DENND4A: variants seen among roughly 807,000 people sequenced by gnomAD.
DENND4A encodes the protein C-myc promoter-binding protein.
Under a neutral mutation model 199.3 loss-of-function variants are expected in DENND4A, and 70 were observed. The observed-to-expected ratio is 0.35, with a 90% CI of 0.29 to 0.43. The LOEUF (loss-of-function observed/expected upper bound fraction) is 0.43. Ranked by LOEUF, DENND4A falls within the 20% of genes least tolerant of loss-of-function variation. The pLI is 1.00. For synonymous variants in DENND4A, 686 were observed against 766.9 expected, an observed-to-expected ratio of 0.89 and a Z score of 1.74; for missense variants, 1,723 against 2,255.8, an observed-to-expected ratio of 0.76 and a Z score of 4.78.
chr15:65,681,885 G>A (rs2076589687), intron 23 of DENND4A, among the ~76,000 whole-genome samples: 1 of 152,138 alleles, frequency 6.6e-6, no homozygotes, highest in Admixed American at 6.5e-5. Flanking sequence ...TTCTATTGGA[G>A]CTCTTGCATG....
chr15:65,772,580 G>A (rs912005864), intron 1 of DENND4A, among the ~76,000 whole-genome samples: 4 of 151,550 alleles, frequency 2.6e-5, no homozygotes, highest in Non-Finnish European at 4.4e-5. Context: ...GGTGGCACCC[G>A]CCTGTAATCC....
chr15:65,774,491 A>T (rs1458841418), intron 1 of DENND4A, among the ~76,000 whole-genome samples: 1 of 151,988 alleles, frequency 6.6e-6, no homozygotes, highest in Non-Finnish European at 1.5e-5. Flanking sequence ...ACTCCATCTC[A>T]AAAAAATTAA....
chr15:65,748,935 A>G (rs143632372), intron 4 of DENND4A, among the ~76,000 whole-genome samples: 1 of 151,568 alleles, frequency 6.6e-6, no homozygotes, highest in African/African-American at 2.4e-5. Context: ...CGAGGCTACA[A>G]TGAGCCATGA....
intron 1 of DENND4A, among the ~76,000 whole-genome samples, chr15:65,788,290 T>C (rs1002948529): frequency 1.8e-4 from 28 of 152,234 alleles, no homozygotes; most frequent in African/African-American, 6.0e-4. Context: ...TTAGCCAGGA[T>C]GGTCTCGATC....
At chr15:65,777,456 G>A (rs1025885510) in intron 1 of DENND4A, among the ~76,000 whole-genome samples, 4 of 151,736 alleles carry the variant, frequency 2.6e-5, no homozygotes, top group East Asian at 2.0e-4. Flanking sequence ...AGGTTCAAGC[G>A]ATTCTCCAGC....
chr15:65,786,162 A>G (rs1009124533), intron 1 of DENND4A, among the ~76,000 whole-genome samples: 3 of 152,244 alleles, frequency 2.0e-5, no homozygotes, highest in Non-Finnish European at 4.4e-5. Flanking sequence ...TTTATAATAG[A>G]TAAAAAATGA....
rs150839224 is a variant in DENND4A, at chr15:65,743,736, G to A, written c.562-1952C>T. Among the ~76,000 whole-genome samples, 233 of 152,198 alleles carry A rather than the reference G, an allele frequency of 1.5e-3. 1 individual carries two copies. Among genetic ancestry groups the A allele is most frequent in the African/African-American group, 5.2e-3 (215 of 41,516 alleles). ...GTATTTGCTGAATGAATTAATCTTG[G>A]AGCAGAGGTTTCTAGGTAGAAGGAA... On this transcript the variant is annotated intron_variant, in intron 4 of 32. Transcript: ENST00000443035.
chr15:65,726,686 G>A (rs896177994), intron 11 of DENND4A, among the ~76,000 whole-genome samples: 1 of 152,080 alleles, frequency 6.6e-6, no homozygotes, highest in Non-Finnish European at 1.5e-5. Context: ...TAATTAAATC[G>A]AAAAGCTTTA....
chr15:65,753,159 T>C (rs28507448), intron 3 of DENND4A, among the ~76,000 whole-genome samples: 30,093 of 152,024 alleles, frequency 0.2, 4,013 homozygotes, highest in East Asian at 0.73. Context: ...TTTCTCTTTA[T>C]TGGGGTAAAA....
At position 65,702,395 on chromosome 15, in the gene DENND4A, C is replaced by T. The variant is rs17810074; in HGVS notation, c.2340G>A (p.Val780=). 0.3 allele frequency: 463,146 copies of T among 1,564,632 alleles called. 71,645 individuals carry two copies. Among genetic ancestry groups the T allele is most frequent in the Admixed American group, 0.38 (19,762 of 52,288 alleles). ...GLWFICLPAY[V]KVCHSKVRAL... ...CCCTGACTTTTGAATGACAGACTTT[C>T]ACATAAGCTGGGAGACAAATAAACC... The change falls in exon 17 of 33, where the codon GTG becomes GTA. Residue 780 remains valine (V), a synonymous_variant. Transcript: ENST00000443035.
intron 11 of DENND4A, among the ~76,000 whole-genome samples, chr15:65,725,114 T>G (rs149777333): frequency 3.2e-4 from 48 of 152,328 alleles, no homozygotes; most frequent in Non-Finnish European, 6.2e-4. Context: ...TTTGAAGTAC[T>G]TGAGTTTGGT....
intron 23 of DENND4A, among the ~76,000 whole-genome samples, 193 bp downstream of exon 23, chr15:65,690,222 T>C (rs1009758191): frequency 1.3e-5 from 2 of 152,232 alleles, no homozygotes; most frequent in Admixed American, 6.5e-5. Context: ...ACTACAAATA[T>C]AACCTTAGTA....
intron 1 of DENND4A, among the ~76,000 whole-genome samples, chr15:65,788,538 G>A (rs1012013720): frequency 2.6e-5 from 4 of 152,000 alleles, no homozygotes; most frequent in Admixed American, 1.3e-4. Flanking sequence ...TTTCTCCTAT[G>A]ACCCTTGAAA....
In DENND4A at chr15:65,741,662, C is replaced by T. The variant is rs116469432; in HGVS notation, c.631+53G>A. On this transcript the variant is annotated intron_variant, in intron 5 of 32. Transcript: ENST00000443035. ...GCAGGTTTCTTTACTTTAACCTTTC[C>T]GGGCCCTATAATACATTTATATATG... The T allele has an allele frequency of 5.1e-4, 770 of 1,496,314 alleles. 4 individuals are homozygous for T. In the African/African-American group the frequency reaches 9.8e-3, roughly 19 times the overall value. The allele number at this position is 1,496,314 out of a possible 1,614,324, so 92.7% of individuals were successfully genotyped here.
intron 7 of DENND4A, among the ~76,000 whole-genome samples, chr15:65,734,340 T>C (rs1053928864): frequency 6.6e-6 from 1 of 152,240 alleles, no homozygotes; most frequent in Admixed American, 6.5e-5. Context: ...TTACCTTGTC[T>C]GTGATGCAAA....
At chr15:65,775,142 A>C (rs1256185905) in intron 1 of DENND4A, among the ~76,000 whole-genome samples, 2 of 152,056 alleles carry the variant, frequency 1.3e-5, no homozygotes, top group African/African-American at 4.8e-5. Flanking sequence ...AAACTAACAA[A>C]CCAACCACTA....
At chr15:65,727,716 T>G (rs950791113) in intron 11 of DENND4A, 1 of 209,012 alleles carries the variant, frequency 4.8e-6, no homozygotes, top group Non-Finnish European at 9.9e-6. Context: ...ATCATAGTTA[T>G]TATAAACATG....
At chr15:65,737,176 C>A (rs1026415256) in intron 7 of DENND4A, among the ~76,000 whole-genome samples, 1 of 151,998 alleles carries the variant, frequency 6.6e-6, no homozygotes, top group Non-Finnish European at 1.5e-5. Context: ...GACTCTTGTG[C>A]CTTGGCCTCC....
chr15:65,687,437 C>T (rs955164128), intron 23 of DENND4A, among the ~76,000 whole-genome samples: 2 of 151,438 alleles, frequency 1.3e-5, no homozygotes, highest in East Asian at 3.9e-4. Flanking sequence ...GTAATCTTTT[C>T]TAATAACCAG....
Sources: gnomAD v4.1 joint callset for allele counts (sites outside exome capture counted in the v4.1 genomes callset) on GRCh38, gnomAD v4.1.1 for gene constraint, MANE v1.5 for transcripts, NCBI Gene and HGNC (gene_info 2026-07-23, HGNC 2026-07-21) for gene names.